Variants in FSCN2 observed in about 807,000 individuals in gnomAD.
FSCN2 encodes the protein fascin-2.
FSCN2 carries 46 observed loss-of-function variants against 37.8 expected under a neutral mutation model. The observed-to-expected ratio is 1.22, with a 90% CI of 0.96 to 1.56. The LOEUF (loss-of-function observed/expected upper bound fraction) is 1.56. Among genes scored for constraint, FSCN2 ranks in the 40% most tolerant of loss-of-function variants. The probability of loss-of-function intolerance (pLI) is 0.00; values close to 1 mark genes in which losing one functional copy is unlikely to be tolerated. For synonymous variants in FSCN2, 351 were observed against 309.4 expected, an observed-to-expected ratio of 1.13 and a Z score of -1.41; for missense variants, 844 against 730.4, an observed-to-expected ratio of 1.16 and a Z score of -1.79.
upstream of FSCN2, among the ~76,000 whole-genome samples, chr17:81,524,915 A>ACACACACG (rs1555669882): frequency 1.3e-5 from 2 of 149,564 alleles, no homozygotes; most frequent in Non-Finnish European, 3.0e-5. Context: ...ACACACACAC[A>ACACACACG]CACACCACAC....
chr17:81,524,205 G>A (rs917360617), upstream of FSCN2, among the ~76,000 whole-genome samples: 5 of 152,234 alleles, frequency 3.3e-5, no homozygotes, highest in East Asian at 1.9e-4. Flanking sequence ...AGCTGGCCCC[G>A]CACTGAGAGG....
chr17:81,535,531 C>T lies in FSCN2; in HGVS notation c.983+323C>T, dbSNP rs1468251775. On this transcript the variant is annotated intron_variant, in intron 2 of 4. Coordinates refer to ENST00000417245, the MANE Select transcript of FSCN2 (RefSeq NM_012418.4). ...ATCCCCATCTCCACCATCTCCATCA[C>T]CATCATCACCATCCCCATCTCCATC... Among the ~76,000 whole-genome samples, 4 of 109,486 alleles carry T rather than the reference C, an allele frequency of 3.7e-5. No individual in the cohort carries two copies. The East Asian group carries it at 9.2e-4, about 25-fold the overall frequency. The allele number at this position is 109,486 out of a possible 152,430, so 71.8% of individuals were successfully genotyped here.
chr17:81,528,503 G>A lies in FSCN2; in HGVS notation c.-29G>A, dbSNP rs1289416698. The A allele has an allele frequency of 3.3e-6, 5 of 1,529,624 alleles. No individual in the cohort carries two copies. The African/African-American group carries it at 6.9e-5, about 21-fold the overall frequency. The allele number at this position is 1,529,624 out of a possible 1,614,324, so 94.8% of individuals were successfully genotyped here. A position where few individuals can be genotyped will look rare whatever the true frequency, so the allele number is the denominator to read the frequency against. On this transcript the variant is annotated 5_prime_UTR_variant, in exon 1 of 5. Transcript: ENST00000417245. ...TGAGCACTCAGAGGGCGCATCCCAG[G>A]CCCCTCCGGGGACCCGGCCAGCCTG...
At chr17:81,525,236 G>A (rs1387627927), upstream of FSCN2, among the ~76,000 whole-genome samples, 12 of 150,868 alleles carry the variant, frequency 8.0e-5, no homozygotes, top group African/African-American at 2.9e-4. Context: ...GACCATGCTG[G>A]CCAACATGGT....
At chr17:81,534,286 C>T (rs564160018) in intron 1 of FSCN2, among the ~76,000 whole-genome samples, 91 of 152,268 alleles carry the variant, frequency 6.0e-4, no homozygotes, top group Middle Eastern at 6.8e-3. Context: ...GGGGCTCTGC[C>T]CACCACTCCC....
upstream of FSCN2, among the ~76,000 whole-genome samples, chr17:81,525,425 C>CAAAAAAAAAAAAAAAAAAAAAAAAAAAA (rs1202765459): frequency 2.1e-5 from 1 of 47,852 alleles, no homozygotes; most frequent in Non-Finnish European, 4.2e-5. Flanking sequence ...GACTCTGTCT[C>CAAAAAAAAAAAAAAAAAAAAAAAAAAAA]AAAAAAAAAA....
rs782187587 is a variant in FSCN2, at chr17:81,528,796, C to T, written c.265C>T (p.Arg89Cys). 97 of 1,564,436 alleles carry T rather than the reference C, an allele frequency of 6.2e-5. No homozygotes were observed. Among genetic ancestry groups the T allele is most frequent in the Non-Finnish European group, 8.0e-5 (92 of 1,156,798 alleles). ...GGCAGAGCAGCCGGGCCGTGACTGCCGCTTCCTGGTCCTGCCGCAGCCAGA... is the reference window on the plus strand; with the variant it reads ...GGCAGAGCAGCCGGGCCGTGACTGCTGCTTCCTGGTCCTGCCGCAGCCAGA... ...CEAEQPGRDC[R>C]FLVLPQPDGR... Residue 89 changes from arginine to cysteine, a missense_variant, in exon 1 of 5, where the codon CGC becomes TGC. By Grantham distance (180) the Arg-to-Cys change is radical (BLOSUM62 -3). Transcript: ENST00000417245.
chr17:81,529,967 G>A (rs1420913029), intron 1 of FSCN2, among the ~76,000 whole-genome samples: 4 of 152,156 alleles, frequency 2.6e-5, no homozygotes, highest in East Asian at 1.9e-4. Context: ...CCGCCACCAC[G>A]CCCGGCTAAT....
chr17:81,518,479 A>G, the FSCN2 span, among the ~76,000 whole-genome samples: 4 of 152,042 alleles, frequency 2.6e-5, no homozygotes, highest in Admixed American at 6.5e-5. Flanking sequence ...GCCCTGGAGG[A>G]GGGAGCGCAG....
At chr17:81,535,524 TCCATCACCATCATCACCATCC>T (rs2032832762) in intron 2 of FSCN2, among the ~76,000 whole-genome samples, 1 of 48,974 alleles carries the variant, frequency 2.0e-5, no homozygotes, top group Non-Finnish European at 3.4e-5. Context: ...CTCCACCATC[TCCATCACCATCATCACCATCC>T]CCATCTCCAT....
At chr17:81,534,256 C>T (rs2032781739) in intron 1 of FSCN2, among the ~76,000 whole-genome samples, 1 of 149,946 alleles carries the variant, frequency 6.7e-6, no homozygotes, top group African/African-American at 2.5e-5. Flanking sequence ...TGGGATCTGG[C>T]CCCACCCTCA....
chr17:81,526,848 G>A (rs1022562170), upstream of FSCN2, among the ~76,000 whole-genome samples: 6 of 152,216 alleles, frequency 3.9e-5, no homozygotes, highest in East Asian at 1.9e-4. Context: ...ACCTGGTTTC[G>A]CACACAGTTG....
At chr17:81,526,401 C>T (rs74999327), upstream of FSCN2, among the ~76,000 whole-genome samples, 148 of 152,340 alleles carry the variant, frequency 9.7e-4, no homozygotes, top group East Asian at 0.016. Context: ...GAGGCCGCGG[C>T]GGGCAGATCA....
upstream of FSCN2, among the ~76,000 whole-genome samples, chr17:81,523,444 C>A (rs538011680): frequency 1.4e-4 from 22 of 152,368 alleles, no homozygotes; most frequent in African/African-American, 4.8e-4. Flanking sequence ...ATGAAAAAAT[C>A]ATGAGGTCGC....
upstream of FSCN2, among the ~76,000 whole-genome samples, chr17:81,523,392 C>T (rs1047420758): frequency 5.3e-5 from 8 of 152,232 alleles, no homozygotes; most frequent in African/African-American, 1.4e-4. Context: ...GCGGCCCCCT[C>T]GCCCGTGTAA....
At chr17:81,519,243 C>T in the FSCN2 span, 1 of 152,296 alleles carries the variant, frequency 6.6e-6, no homozygotes, top group African/African-American at 2.4e-5. Context: ...CCTGCGCCCC[C>T]TCCCCACGCA....
chr17:81,536,502 A>G (rs1448101068), intron 3 of FSCN2, 120 bp from the exon 4 acceptor site: 6 of 1,539,322 alleles, frequency 3.9e-6, no homozygotes. Flanking sequence ...GCCGCACATG[A>G]GGCAATGGCA....
chr17:81,531,555 A>ATGATGG (rs1568077629), intron 1 of FSCN2, among the ~76,000 whole-genome samples: 1 of 94,622 alleles, frequency 1.1e-5, no homozygotes, highest in Non-Finnish European at 2.2e-5. Flanking sequence ...GGTGATGGCG[A>ATGATGG]TGATGGTGAT....
intron 1 of FSCN2, among the ~76,000 whole-genome samples, chr17:81,532,614 A>G (rs979048170): frequency 2.9e-5 from 4 of 137,696 alleles, no homozygotes; most frequent in Middle Eastern, 3.5e-3. Flanking sequence ...GGTGATGGTG[A>G]TGATAATGGT....
Sources: gnomAD v4.1 joint callset for allele counts (sites outside exome capture counted in the v4.1 genomes callset) on GRCh38, gnomAD v4.1.1 for gene constraint, MANE v1.5 for transcripts, NCBI Gene and HGNC (gene_info 2026-07-23, HGNC 2026-07-21) for gene names.